Variants in COL24A1 observed in about 807,000 individuals in gnomAD.
COL24A1 encodes collagen alpha-1(XXIV) chain.
COL24A1 carries 224 observed loss-of-function variants against 253.9 expected under a neutral mutation model. That is an observed-to-expected ratio of 0.88 (90% CI 0.79 to 0.99). The LOEUF is 0.99. Among genes scored for constraint, COL24A1 ranks in the 50% least tolerant of loss-of-function variants. The pLI is 0.00. For missense variants in COL24A1, 2,131 were observed against 2,068.5 expected (o/e 1.03, Z -0.59); for synonymous variants, 685 against 673.7 (o/e 1.02, Z -0.26).
chr1:85,818,783 C>G (rs1469522130), intron 45 of COL24A1, among the ~76,000 whole-genome samples: 2 of 152,082 alleles, frequency 1.3e-5, no homozygotes, highest in Non-Finnish European at 2.9e-5. Context: ...TGACTTGGTT[C>G]ACAAATAAGA....
intron 19 of COL24A1, among the ~76,000 whole-genome samples, chr1:86,008,612 T>A (rs892553155): frequency 6.6e-6 from 1 of 152,320 alleles, no homozygotes; most frequent in South Asian, 2.1e-4. Context: ...TGCTCACCAC[T>A]TCTTTAACAT....
rs779730484 is a variant in COL24A1, at chr1:85,965,009, C to T, written c.2517G>A (p.Lys839=). The T allele has an allele frequency of 6.2e-7, 1 of 1,609,918 alleles. No homozygotes were observed. Among genetic ancestry groups the T allele is most frequent in the African/African-American group, 1.3e-5 (1 of 74,862 alleles). The change falls in exon 23 of 60, where the codon AAG becomes AAA. Residue 839 remains lysine (K), a splice_region_variant and synonymous_variant. Transcript: ENST00000370571. ...CTGATAATAAAGTCAGTTGCTTTAC[C>T]TTTAAGCCTTCTGGTCCTGGTTCAC... The part of the protein sequence containing the change: ...YAGEPGPEGL[K]GEVGDQGNIG...
intron 7 of COL24A1, among the ~76,000 whole-genome samples, chr1:86,087,560 C>G (rs1369874413): frequency 6.6e-6 from 1 of 152,144 alleles, no homozygotes; most frequent in Non-Finnish European, 1.5e-5. Context: ...ATTTCATGAA[C>G]CACAGATATC....
At chr1:86,012,697 A>C (rs1443442989) in intron 19 of COL24A1, among the ~76,000 whole-genome samples, 1 of 152,094 alleles carries the variant, frequency 6.6e-6, no homozygotes, top group African/African-American at 2.4e-5. Context: ...GAAAAGCATA[A>C]ATCAGATCAG....
chr1:85,945,129 T>C (rs1689210462), intron 24 of COL24A1, among the ~76,000 whole-genome samples: 1 of 144,618 alleles, frequency 6.9e-6, no homozygotes, highest in South Asian at 2.4e-4. Flanking sequence ...GCAATTCTCC[T>C]GCCTCAGCCT....
At chr1:85,823,777 G>C in intron 43 of COL24A1, 39 bp from the exon 44 acceptor site, 5 of 1,574,286 alleles carry the variant, frequency 3.2e-6, no homozygotes, top group Non-Finnish European at 4.4e-6. Flanking sequence ...AGTAAGTAGA[G>C]ACATGTGACT....
chr1:85,776,879 C>T (rs1233389182), intron 52 of COL24A1, among the ~76,000 whole-genome samples: 1 of 151,972 alleles, frequency 6.6e-6, no homozygotes, highest in African/African-American at 2.4e-5. Context: ...TATATTACTT[C>T]TGTGTTTCTC....
intron 7 of COL24A1, among the ~76,000 whole-genome samples, chr1:86,074,034 C>G (rs560038622): frequency 6.6e-6 from 1 of 152,272 alleles, no homozygotes; most frequent in East Asian, 1.9e-4. Context: ...ACCATTGACA[C>G]CATAAAGAAA....
At chr1:86,039,910 A>T (rs1380195779) in intron 12 of COL24A1, among the ~76,000 whole-genome samples, 1 of 152,158 alleles carries the variant, frequency 6.6e-6, no homozygotes, top group Non-Finnish European at 1.5e-5. Context: ...GGACAATTTG[A>T]TCCACACTCA....
At chr1:86,008,087 A>C (rs1455066951) in intron 19 of COL24A1, among the ~76,000 whole-genome samples, 1 of 152,200 alleles carries the variant, frequency 6.6e-6, no homozygotes, top group African/African-American at 2.4e-5. Context: ...AAGTTGAGAC[A>C]ATAAAAAATC....
intron 37 of COL24A1, among the ~76,000 whole-genome samples, chr1:85,854,814 C>T (rs1558401806): frequency 1.3e-5 from 2 of 151,904 alleles, no homozygotes; most frequent in African/African-American, 2.4e-5. Context: ...AGCGATTCTC[C>T]CGCCTCAGCC....
Position 85,910,940 on chromosome 1 carries a change from CAG to C in COL24A1, c.2616+438_2616+439del, listed in dbSNP as rs570350636. On this transcript the variant is annotated intron_variant, in intron 25 of 59. Transcript: ENST00000370571. Reference sequence around the variant, plus strand: ...GTCCAACAGTTTGGTTTTGAAGAAACAGAGGGAAGGAGAGAGGATATTTTAGT... The same window carrying C: ...GTCCAACAGTTTGGTTTTGAAGAAACAGGGAAGGAGAGAGGATATTTTAGT... 1.1e-3 allele frequency among the ~76,000 whole-genome samples: 162 copies of C among 151,632 alleles called. 1 individual carries two copies. Among genetic ancestry groups the C allele is most frequent in the African/African-American group, 3.7e-3 (152 of 41,372 alleles).
chr1:86,109,506 G>A (rs1195270599), intron 5 of COL24A1, among the ~76,000 whole-genome samples: 1 of 152,172 alleles, frequency 6.6e-6, no homozygotes, highest in Non-Finnish European at 1.5e-5. Flanking sequence ...GAAAAGGAAA[G>A]AAGCTTAATG....
chr1:85,774,316 T>C (rs1668298138), intron 53 of COL24A1, among the ~76,000 whole-genome samples: 1 of 152,176 alleles, frequency 6.6e-6, no homozygotes. Flanking sequence ...ATCAGGGATA[T>C]TGGCCTAAAA....
In COL24A1 at chr1:85,766,368, CAAA is replaced by C. The variant is rs1319642983; in HGVS notation, c.4375-4805_4375-4803del. On this transcript the variant is annotated intron_variant, in intron 53 of 59. Coordinates refer to ENST00000370571, the MANE Select transcript of COL24A1 (RefSeq NM_152890.7). ...TATGCAACAGAACAAGACTCTGTCT[CAAA>C]AAAAAAAAAAAAAAAAAAAGAAAGA... Among the ~76,000 whole-genome samples, 411 of 66,226 alleles carry C rather than the reference CAAA, an allele frequency of 6.2e-3. 3 individuals carry two copies. The highest frequency in any genetic ancestry group is 0.025 in the African/African-American group (390 of 15,716). 43.4% of individuals were successfully genotyped at this position (66,226 alleles called of 152,430 possible). A position where few individuals can be genotyped will look rare whatever the true frequency, so the allele number is the denominator to read the frequency against.
Position 86,046,810 on chromosome 1 carries a change from C to G in COL24A1, c.1950+15G>C. The G allele has an allele frequency of 2.5e-6, 4 of 1,611,610 alleles. No individual in the cohort carries two copies. Among genetic ancestry groups the G allele is most frequent in the Non-Finnish European group, 3.4e-6 (4 of 1,178,212 alleles). On this transcript the variant is annotated intron_variant, in intron 12 of 59. Transcript: ENST00000370571. ...TTGCTGTAAAATAAACCTCAAAAAA[C>G]ACAAATTAAGATACCTGTCTCCCCT...
intron 19 of COL24A1, among the ~76,000 whole-genome samples, chr1:86,005,231 T>A (rs1231467793): frequency 6.6e-6 from 1 of 151,978 alleles, no homozygotes; most frequent in Non-Finnish European, 1.5e-5. Context: ...ACATAATCAA[T>A]AAGGAAGGGC....
chr1:86,128,825 C>T (rs80087440), intron 2 of COL24A1, among the ~76,000 whole-genome samples: 3,620 of 151,848 alleles, frequency 0.024, 54 homozygotes, highest in Middle Eastern at 0.048. Flanking sequence ...AAAATAAAAT[C>T]TTATTAGTTT....
intron 8 of COL24A1, among the ~76,000 whole-genome samples, chr1:86,059,519 G>A (rs1338908376): frequency 6.6e-6 from 1 of 151,776 alleles, no homozygotes; most frequent in Non-Finnish European, 1.5e-5. Flanking sequence ...TTCTTGTTTC[G>A]ATCATCCTAC....
Sources: allele counts gnomAD v4.1 joint callset (sites outside exome capture counted in the v4.1 genomes callset), GRCh38; gene constraint gnomAD v4.1.1; transcripts MANE v1.5; gene names NCBI Gene and HGNC (gene_info 2026-07-23, HGNC 2026-07-21).